PPM1H: variants seen among roughly 807,000 people sequenced by gnomAD.
PPM1H encodes protein phosphatase, Mg2+/Mn2+ dependent 1H, also known as protein phosphatase 1H.
In PPM1H, 27 loss-of-function variants were observed where a neutral mutation model predicts 54.9. That is an observed-to-expected ratio of 0.49 (90% CI 0.36 to 0.68). The LOEUF is 0.68. Among genes scored for constraint, PPM1H ranks in the 30% least tolerant of loss-of-function variants. The pLI is 0.00. For synonymous variants in PPM1H, 305 were observed against 270.8 expected, an observed-to-expected ratio of 1.13 and a Z score of -1.24; for missense variants, 596 against 667.8, an observed-to-expected ratio of 0.89 and a Z score of 1.19.
chr12:62,643,994 T>A lies in PPM1H; in HGVS notation c.*4495A>T, dbSNP rs569515251. 3 of 152,318 alleles carry A rather than the reference T, an allele frequency of 2.0e-5. No individual in the cohort carries two copies. The highest frequency in any genetic ancestry group is 3.9e-4 in the East Asian group (2 of 5,188). 9.4% of individuals were successfully genotyped at this position (152,318 alleles called of 1,614,324 possible). ...AGACAGAAAAAAGTTTTGCTGAATA[T>A]GTCGTATATACATATATATAATATT... On this transcript the variant is annotated 3_prime_UTR_variant, in exon 10 of 10. Coordinates refer to ENST00000228705, the MANE Select transcript of PPM1H (RefSeq NM_020700.2).
At chr12:62,929,174 G>A (rs1382602963) in intron 1 of PPM1H, among the ~76,000 whole-genome samples, 1 of 152,118 alleles carries the variant, frequency 6.6e-6, no homozygotes, top group Non-Finnish European at 1.5e-5. Context: ...TTCAAAGAAA[G>A]TACAAAAGGG....
chr12:62,678,299 A>C lies in PPM1H; in HGVS notation c.1246-10970T>G, dbSNP rs375408917. On this transcript the variant is annotated intron_variant, in intron 8 of 9. Transcript: ENST00000228705. ...CATTCTTATATGCATTAATGCAATA[A>C]ATATAAAAAAGATATAGCATATTTA... 2.6e-5 allele frequency among the ~76,000 whole-genome samples: 4 copies of C among 152,256 alleles called. No homozygotes were observed. The East Asian group carries it at 5.8e-4, about 22-fold the overall frequency.
chr12:62,826,583 TATA>T (rs1250086353), intron 2 of PPM1H, among the ~76,000 whole-genome samples: 1 of 152,352 alleles, frequency 6.6e-6, no homozygotes, highest in East Asian at 1.9e-4. Flanking sequence ...AAAAAATTCC[TATA>T]ATACTGTTTT....
intron 8 of PPM1H, among the ~76,000 whole-genome samples, chr12:62,678,443 T>A (rs1461258718): frequency 6.6e-6 from 1 of 152,220 alleles, no homozygotes; most frequent in Non-Finnish European, 1.5e-5. Context: ...CATGAATTAT[T>A]GTGAGTTGCT....
Position 62,719,207 on chromosome 12 carries a change from C to A in PPM1H, c.1073+964G>T, listed in dbSNP as rs1346599636. Among the ~76,000 whole-genome samples, 8 of 152,172 alleles carry A rather than the reference C, an allele frequency of 5.3e-5. No homozygotes were observed. The East Asian group carries it at 1.5e-3, about 29-fold the overall frequency. On this transcript the variant is annotated intron_variant, in intron 6 of 9. Coordinates refer to ENST00000228705, the MANE Select transcript of PPM1H (RefSeq NM_020700.2). ...TCCCTGAAGACAGTATGTACCCTGG[C>A]AGTAGATCCCTGGCCAAGTCATCAC...
At chr12:62,908,407 C>CA (rs751766456) in intron 1 of PPM1H, among the ~76,000 whole-genome samples, 17,959 of 96,688 alleles carry the variant, frequency 0.19, 2,285 homozygotes, top group African/African-American at 0.35. Flanking sequence ...GACTCCGTCT[C>CA]AAAAAAAAAA....
intron 6 of PPM1H, among the ~76,000 whole-genome samples, chr12:62,711,876 T>C (rs752298254): frequency 6.6e-6 from 1 of 152,106 alleles, no homozygotes; most frequent in Non-Finnish European, 1.5e-5. Context: ...ACAAAGCCTG[T>C]CTGTCTTGGC....
intron 6 of PPM1H, among the ~76,000 whole-genome samples, chr12:62,703,997 T>TGC (rs1353322016): frequency 9.9e-5 from 15 of 151,624 alleles, no homozygotes; most frequent in African/African-American, 3.6e-4. Flanking sequence ...TGTGTGTGTG[T>TGC]GTGTGTGTGT....
chr12:62,671,051 C>G (rs1043707111), intron 8 of PPM1H, among the ~76,000 whole-genome samples: 3 of 152,146 alleles, frequency 2.0e-5, no homozygotes, highest in African/African-American at 7.2e-5. Context: ...CAAAGGATTC[C>G]ACTGGGCTCC....
chr12:62,861,742 T>C (rs1176282691), intron 1 of PPM1H, among the ~76,000 whole-genome samples: 4 of 152,228 alleles, frequency 2.6e-5, no homozygotes, highest in Non-Finnish European at 4.4e-5. Context: ...GACCCAAACA[T>C]TTCCTGGGCC....
intron 1 of PPM1H, among the ~76,000 whole-genome samples, chr12:62,896,692 C>T (rs1197204728): frequency 4.6e-5 from 7 of 152,252 alleles, no homozygotes; most frequent in Admixed American, 2.0e-4. Flanking sequence ...GACAGTGTGG[C>T]GATTCCTCAA....
chr12:62,933,252 G>A (rs1454346606), intron 1 of PPM1H, among the ~76,000 whole-genome samples: 1 of 152,136 alleles, frequency 6.6e-6, no homozygotes, highest in Non-Finnish European at 1.5e-5. Context: ...ACGCTTTATA[G>A]GATGATGGGA....
At chr12:62,859,037 A>G (rs1869501120) in intron 1 of PPM1H, among the ~76,000 whole-genome samples, 1 of 152,254 alleles carries the variant, frequency 6.6e-6, no homozygotes, top group African/African-American at 2.4e-5. Flanking sequence ...CCGTAAAGTC[A>G]GAAGCTAACT....
chr12:62,788,033 A>G (rs2120702468), intron 4 of PPM1H, among the ~76,000 whole-genome samples, 193 bp downstream of exon 4: 1 of 152,374 alleles, frequency 6.6e-6, no homozygotes, highest in East Asian at 1.9e-4. Flanking sequence ...ACAGACGTGT[A>G]CATGAAATGC....
intron 5 of PPM1H, among the ~76,000 whole-genome samples, chr12:62,727,952 C>T (rs572311229): frequency 5.9e-5 from 9 of 152,124 alleles, no homozygotes; most frequent in Non-Finnish European, 1.0e-4. Context: ...TGAGCCACCA[C>T]GCCCAGCCTT....
chr12:62,647,819 A>C lies in PPM1H; in HGVS notation c.*670T>G, dbSNP rs537697473. 1 of 152,272 alleles carries C rather than the reference A, an allele frequency of 6.6e-6. No individual in the cohort carries two copies. Among genetic ancestry groups the C allele is most frequent in the East Asian group, 1.9e-4 (1 of 5,182 alleles). 9.4% of individuals were successfully genotyped at this position (152,272 alleles called of 1,614,324 possible). On this transcript the variant is annotated 3_prime_UTR_variant, in exon 10 of 10. Transcript: ENST00000228705. Reference sequence around the variant, plus strand: ...AACCCAGCCTGGGTGGGACTTGGACACAGAACTTCCTTAGCAGGGTGTTGG... The same window carrying C: ...AACCCAGCCTGGGTGGGACTTGGACCCAGAACTTCCTTAGCAGGGTGTTGG...
rs114861479 is a variant in PPM1H, at chr12:62,910,120, G to A, written c.245+24372C>T. The stretch of plus-strand genomic sequence containing the variant: ...TCTCCACAGATGAACCAGTATGCAC[G>A]AAAAGCCTGGAGTGGAGAAGAAACA... On this transcript the variant is annotated intron_variant, in intron 1 of 9. Coordinates refer to ENST00000228705, the MANE Select transcript of PPM1H (RefSeq NM_020700.2). 4.6e-3 allele frequency among the ~76,000 whole-genome samples: 704 copies of A among 152,220 alleles called. 11 individuals carry two copies. Among genetic ancestry groups the A allele is most frequent in the African/African-American group, 0.015 (642 of 41,528 alleles).
chr12:62,700,891 C>T (rs1208245852), intron 6 of PPM1H, among the ~76,000 whole-genome samples: 1 of 152,078 alleles, frequency 6.6e-6, no homozygotes, highest in Non-Finnish European at 1.5e-5. Flanking sequence ...TGTTCCTGTC[C>T]CCCAAATTTC....
chr12:62,688,311 C>T (rs571388092), intron 8 of PPM1H, among the ~76,000 whole-genome samples: 28 of 152,232 alleles, frequency 1.8e-4, no homozygotes, highest in African/African-American at 5.3e-4. Flanking sequence ...AATGCAGAGA[C>T]GCTACAGCCC....
Sources: allele counts gnomAD v4.1 joint callset (sites outside exome capture counted in the v4.1 genomes callset), GRCh38; gene constraint gnomAD v4.1.1; transcripts MANE v1.5; gene names NCBI Gene and HGNC (gene_info 2026-07-23, HGNC 2026-07-21).